APOL3: variants seen among roughly 807,000 people sequenced by gnomAD.
The protein encoded by APOL3 is TNF-inducible protein CG12-1.
APOL3 carries 14 observed loss-of-function variants against 11.6 expected under a neutral mutation model. That is an observed-to-expected ratio of 1.21 (90% CI 0.80 to 1.89). APOL3 has a LOEUF of 1.89. Among genes scored for constraint, APOL3 ranks in the 40% most tolerant of loss-of-function variants. The probability of loss-of-function intolerance (pLI) is 0.00; values close to 1 mark genes in which losing one functional copy is unlikely to be tolerated. For missense variants in APOL3, 483 were observed against 492.1 expected, an observed-to-expected ratio of 0.98 and a Z score of 0.17; for synonymous variants, 192 against 190.6, an observed-to-expected ratio of 1.01 and a Z score of -0.06.
chr22:36,163,600 G>T (rs955157391), upstream of APOL3, among the ~76,000 whole-genome samples: 2 of 152,174 alleles, frequency 1.3e-5, no homozygotes, highest in Non-Finnish European at 2.9e-5. Flanking sequence ...TGTAGGAAGG[G>T]GTCTCCATGC....
chr22:36,147,937 T>C (rs991396029), intron 1 of APOL3, among the ~76,000 whole-genome samples: 4 of 151,988 alleles, frequency 2.6e-5, no homozygotes, highest in Admixed American at 1.3e-4. Flanking sequence ...CAAACAAAAC[T>C]TAACTTCGGC....
At chr22:36,160,444 T>G (rs1177090500) in intron 1 of APOL3, among the ~76,000 whole-genome samples, 3 of 152,230 alleles carry the variant, frequency 2.0e-5, no homozygotes, top group Non-Finnish European at 4.4e-5. Flanking sequence ...TGAACCCAGC[T>G]GAGCTGATTC....
chr22:36,163,527 TTTCTAACCACTTTTA>T (rs2013785562), upstream of APOL3, among the ~76,000 whole-genome samples: 1 of 152,240 alleles, frequency 6.6e-6, no homozygotes, highest in Non-Finnish European at 1.5e-5. Context: ...CTTTTCTTTC[TTTCTAACCACTTTTA>T]TTCAGAATCT....
In APOL3 at chr22:36,142,286, A is replaced by C. The variant is rs533033356; in HGVS notation, c.351-228T>G. 2.6e-5 allele frequency among the ~76,000 whole-genome samples: 4 copies of C among 152,296 alleles called. No individual in the cohort carries two copies. In the East Asian group the frequency reaches 7.7e-4, roughly 29 times the overall value. On this transcript the variant is annotated intron_variant, in intron 2 of 2. Coordinates refer to ENST00000349314, the Ensembl canonical transcript of APOL3. ...ATTCTGTATGGGAATAAAAAACTTAAAGTCATCTTCAGATGCTCTTTAGTG... is the reference window on the plus strand; with the variant it reads ...ATTCTGTATGGGAATAAAAAACTTACAGTCATCTTCAGATGCTCTTTAGTG...
chr22:36,160,194 A>G (rs866855587), intron 1 of APOL3, among the ~76,000 whole-genome samples: 1 of 151,956 alleles, frequency 6.6e-6, no homozygotes, highest in Non-Finnish European at 1.5e-5. Context: ...GGTTCCTTGT[A>G]TCTCAAAGGA....
At chr22:36,156,852 C>T (rs1030253764) in intron 1 of APOL3, 1 of 437,062 alleles carries the variant, frequency 2.3e-6, no homozygotes, top group African/African-American at 2.0e-5. Context: ...ACCTGGGTGG[C>T]CTCTGCCCTC....
intron 1 of APOL3, among the ~76,000 whole-genome samples, chr22:36,159,880 CTT>C (rs1203226199): frequency 1.4e-5 from 2 of 145,948 alleles, no homozygotes; most frequent in Non-Finnish European, 1.5e-5. Flanking sequence ...CTCTCTCTCT[CTT>C]TTTTTTTTTT....
intron 1 of APOL3, 71 bp downstream of exon 1, chr22:36,160,594 AGGTG>A (rs1429168122): frequency 6.7e-7 from 1 of 1,491,554 alleles, no homozygotes; most frequent in Non-Finnish European, 9.3e-7. Context: ...CATCTACAAA[AGGTG>A]AATGACCCTT....
At chr22:36,157,356 C>CAAA (rs575254480) in intron 1 of APOL3, among the ~76,000 whole-genome samples, 1 of 152,068 alleles carries the variant, frequency 6.6e-6, no homozygotes. Flanking sequence ...AGAATACACA[C>CAAA]AAAAAAGTCT....
At chr22:36,154,780 C>T (rs2012467405) in intron 1 of APOL3, among the ~76,000 whole-genome samples, 1 of 152,164 alleles carries the variant, frequency 6.6e-6, no homozygotes, top group African/African-American at 2.4e-5. Context: ...ACCAAACACT[C>T]CCTCTCCTGG....
intron 2 of APOL3, among the ~76,000 whole-genome samples, chr22:36,145,024 A>G (rs1005464213): frequency 1.0e-4 from 9 of 85,836 alleles, no homozygotes; most frequent in African/African-American, 4.9e-4. Flanking sequence ...AAAAAAAAAA[A>G]AGAAAAAAAA....
At chr22:36,146,958 C>T (rs905841975) in intron 1 of APOL3, among the ~76,000 whole-genome samples, 15 of 152,122 alleles carry the variant, frequency 9.9e-5, no homozygotes, top group Middle Eastern at 3.4e-3. Context: ...CGTTTCCTGC[C>T]GTGGACACAC....
chr22:36,156,145 A>G (rs1229686714), intron 1 of APOL3: 1 of 155,660 alleles, frequency 6.4e-6, no homozygotes, highest in East Asian at 1.8e-4. Context: ...CCCAGGCTGG[A>G]ACGCAGTGGC....
At chr22:36,141,235 T>C in exon 3 of APOL3, 1 of 1,614,108 alleles carries the variant, frequency 6.2e-7, no homozygotes, top group Non-Finnish European at 8.5e-7. Context: ...CGCTGATAGA[T>C]CTGAGTGAGC....
intron 2 of APOL3, 78 bp downstream of exon 3, chr22:36,145,395 T>C: frequency 6.5e-7 from 1 of 1,545,584 alleles, no homozygotes; most frequent in South Asian, 1.2e-5. Flanking sequence ...GAGGTGTGCC[T>C]GCCAGAGAAA....
intron 1 of APOL3, among the ~76,000 whole-genome samples, chr22:36,157,613 A>G (rs910723583): frequency 7.9e-5 from 12 of 152,242 alleles, no homozygotes; most frequent in African/African-American, 2.7e-4. Flanking sequence ...ACCTCTTACA[A>G]ATTAAAAATT....
At chr22:36,161,193 G>GTTGTTTTGTT (rs549673349), upstream of APOL3, among the ~76,000 whole-genome samples, 16 of 152,062 alleles carry the variant, frequency 1.1e-4, no homozygotes, top group Non-Finnish European at 1.8e-4. Flanking sequence ...GGGTTATTTT[G>GTTGTTTTGTT]TTGTTTTGTT....
intron 1 of APOL3, among the ~76,000 whole-genome samples, chr22:36,157,309 G>A (rs1312170497): frequency 6.6e-6 from 1 of 152,146 alleles, no homozygotes; most frequent in Non-Finnish European, 1.5e-5. Context: ...ACTTTTACGG[G>A]AAAGAGGTCA....
chr22:36,148,968 C>G (rs9610412), intron 1 of APOL3, 78 bp downstream of exon 2: 214,905 of 1,310,930 alleles, frequency 0.16, 20,126 homozygotes, highest in African/African-American at 0.4. Context: ...CTCTGGGGCT[C>G]ACTGAGTTGT....
Sources: gnomAD v4.1 joint callset for allele counts (sites outside exome capture counted in the v4.1 genomes callset) on GRCh38, gnomAD v4.1.1 for gene constraint, MANE v1.5 for transcripts, NCBI Gene and HGNC (gene_info 2026-07-23, HGNC 2026-07-21) for gene names.